Variants in AGPAT3 observed in about 807,000 individuals in gnomAD.
AGPAT3 encodes 1-acyl-sn-glycerol-3-phosphate acyltransferase gamma.
A neutral mutation model predicts 47.3 loss-of-function variants in AGPAT3; 5 were observed. The ratio of observed to expected loss-of-function variants is 0.11; its 90% confidence interval spans 0.06 to 0.22. The LOEUF is 0.22. Among genes scored for constraint, AGPAT3 ranks in the 10% least tolerant of loss-of-function variants. The pLI, the probability that AGPAT3 is intolerant of heterozygous loss-of-function variation, is 1.00. For synonymous variants in AGPAT3, 212 were observed against 208.3 expected, an observed-to-expected ratio of 1.02 and a Z score of -0.15; for missense variants, 315 against 493.0, an observed-to-expected ratio of 0.64 and a Z score of 3.42.
intron 3 of AGPAT3, among the ~76,000 whole-genome samples, chr21:43,961,176 G>A (rs895077439): frequency 6.6e-6 from 1 of 151,988 alleles, no homozygotes; most frequent in Non-Finnish European, 1.5e-5. Flanking sequence ...AATCTCAGAA[G>A]GATGCCCGAG....
At chr21:43,879,814 G>A (rs140764843) in intron 1 of AGPAT3, among the ~76,000 whole-genome samples, 261 of 152,304 alleles carry the variant, frequency 1.7e-3, no homozygotes, top group African/African-American at 5.8e-3. Flanking sequence ...TGAGCACCAC[G>A]TTGAAAAGCA....
intron 1 of AGPAT3, among the ~76,000 whole-genome samples, chr21:43,890,297 C>T (rs1181064629): frequency 2.0e-5 from 3 of 152,176 alleles, no homozygotes; most frequent in Non-Finnish European, 4.4e-5. Flanking sequence ...GCTTTGCCTC[C>T]GTCATGATGG....
At chr21:43,906,048 T>G (rs2086485629) in intron 2 of AGPAT3, among the ~76,000 whole-genome samples, 1 of 152,232 alleles carries the variant, frequency 6.6e-6, no homozygotes, top group Non-Finnish European at 1.5e-5. Context: ...GGAAATCGGT[T>G]TGATCTCCTT....
intron 2 of AGPAT3, chr21:43,916,557 T>G (rs77824458): frequency 2.6e-5 from 4 of 151,078 alleles, no homozygotes; most frequent in Admixed American, 2.0e-4. Flanking sequence ...TTTTTTTTTT[T>G]GCATTTTTCC....
intron 1 of AGPAT3, among the ~76,000 whole-genome samples, chr21:43,893,169 G>A (rs2086137570): frequency 6.6e-6 from 1 of 152,212 alleles, no homozygotes; most frequent in Admixed American, 6.5e-5. Flanking sequence ...CAGATGACTT[G>A]CTGCAGCTTC....
intron 3 of AGPAT3, among the ~76,000 whole-genome samples, chr21:43,960,327 T>G (rs1310368268): frequency 1.3e-5 from 2 of 152,216 alleles, no homozygotes; most frequent in African/African-American, 4.8e-5. Context: ...TATGTGCCTC[T>G]GTGCGTATGT....
rs975303424 is a variant in AGPAT3 at position 43,933,185 on chromosome 21, C to T, written c.-48-26449C>T. ...ATAATGCCGAACAGCTCTTCGTTAACCTGCTGGCTGTCGGTGTGGCTCCTT... is the reference window on the plus strand; with the variant it reads ...ATAATGCCGAACAGCTCTTCGTTAATCTGCTGGCTGTCGGTGTGGCTCCTT... On this transcript the variant is annotated intron_variant, in intron 2 of 9. Coordinates refer to ENST00000291572, the MANE Select transcript of AGPAT3 (RefSeq NM_020132.5). This position sits in a 1 kb window ranked among gnomAD's most constrained non-coding sequence, Gnocchi z 6.0. 6.6e-6 allele frequency among the ~76,000 whole-genome samples: 1 copy of T among 152,228 alleles called. No individual in the cohort carries two copies. The highest frequency in any genetic ancestry group is 2.4e-5 in the African/African-American group (1 of 41,456).
intron 1 of AGPAT3, among the ~76,000 whole-genome samples, chr21:43,886,189 G>A (rs1315554941): frequency 6.6e-6 from 1 of 152,080 alleles, no homozygotes; most frequent in Non-Finnish European, 1.5e-5. Context: ...TATCACCTCT[G>A]CTCCTCCTGG....
At chr21:43,953,320 C>G (rs1304994338) in intron 2 of AGPAT3, among the ~76,000 whole-genome samples, 3 of 152,108 alleles carry the variant, frequency 2.0e-5, no homozygotes, top group Admixed American at 2.0e-4. Flanking sequence ...ACGGGATGTT[C>G]GGCAGTATTC....
chr21:43,885,999 G>T (rs556414760), intron 1 of AGPAT3, among the ~76,000 whole-genome samples: 2 of 152,226 alleles, frequency 1.3e-5, no homozygotes, highest in African/African-American at 4.8e-5. Context: ...ACAGGCAGGG[G>T]TTTTTGCAAA....
At chr21:43,956,772 G>A (rs2088485513) in intron 2 of AGPAT3, among the ~76,000 whole-genome samples, 1 of 152,224 alleles carries the variant, frequency 6.6e-6, no homozygotes, top group Non-Finnish European at 1.5e-5. Flanking sequence ...CCCCTCAGGA[G>A]TAGGAGGTCA....
intron 5 of AGPAT3, among the ~76,000 whole-genome samples, chr21:43,969,879 A>G (rs889290019): frequency 2.0e-5 from 3 of 151,978 alleles, no homozygotes; most frequent in East Asian, 1.9e-4. Flanking sequence ...TTGTATTTTT[A>G]GTAGAGATGG....
At position 43,930,290 on chromosome 21, in the gene AGPAT3, C is replaced by A. The variant is rs1227287655; in HGVS notation, c.-49+26271C>A. On this transcript the variant is annotated intron_variant, in intron 2 of 9. Transcript: ENST00000291572. The surrounding 1 kb of genome is among the most constrained non-coding windows in gnomAD (Gnocchi z 5.0). Reference sequence around the variant, plus strand: ...GGGGGCTCTGGTGCCAATACCAATGCAGCCCGGTTCCCTGTCCTGGGCCTG... The same window carrying A: ...GGGGGCTCTGGTGCCAATACCAATGAAGCCCGGTTCCCTGTCCTGGGCCTG... 2.0e-5 allele frequency among the ~76,000 whole-genome samples: 3 copies of A among 152,148 alleles called. No homozygotes were observed. The highest frequency in any genetic ancestry group is 2.1e-4 in the South Asian group (1 of 4,820).
chr21:43,919,606 C>T (rs1192227510), intron 2 of AGPAT3, among the ~76,000 whole-genome samples: 1 of 152,186 alleles, frequency 6.6e-6, no homozygotes, highest in Admixed American at 6.5e-5. Context: ...TGCAAACATG[C>T]ATATGTCTTT....
chr21:43,909,743 G>A (rs1012640950), intron 2 of AGPAT3, among the ~76,000 whole-genome samples: 6 of 152,234 alleles, frequency 3.9e-5, no homozygotes, highest in Non-Finnish European at 5.9e-5. Context: ...CTGGCTCCCA[G>A]GCCTGCAGGC....
intron 2 of AGPAT3, among the ~76,000 whole-genome samples, chr21:43,945,666 G>A (rs1176343593): frequency 6.6e-6 from 1 of 152,108 alleles, no homozygotes; most frequent in African/African-American, 2.4e-5. Flanking sequence ...CTCTTGCACT[G>A]TCCAGGCCAA....
chr21:43,905,147 T>A (rs556585263), intron 2 of AGPAT3, among the ~76,000 whole-genome samples: 114 of 147,168 alleles, frequency 7.7e-4, no homozygotes, highest in Middle Eastern at 3.5e-3. Flanking sequence ...TCTCTTTTTT[T>A]AAAAAAAATA....
intron 1 of AGPAT3, among the ~76,000 whole-genome samples, chr21:43,876,451 C>T (rs2085735486): frequency 6.6e-6 from 1 of 152,146 alleles, no homozygotes; most frequent in African/African-American, 2.4e-5. Flanking sequence ...CAAAGCCTCC[C>T]TGGAGAAGCC....
intron 2 of AGPAT3, chr21:43,916,321 C>T (rs1013417285): frequency 6.6e-6 from 1 of 152,134 alleles, no homozygotes; most frequent in East Asian, 1.9e-4. Flanking sequence ...TGTTCTGTCT[C>T]GGGTTGGAAG....
Sources: gnomAD v4.1 joint callset for allele counts (sites outside exome capture counted in the v4.1 genomes callset) on GRCh38, gnomAD v4.1.1 for gene constraint, Gnocchi (gnomAD v3.1) non-coding constraint, MANE v1.5 for transcripts, NCBI Gene and HGNC (gene_info 2026-07-23, HGNC 2026-07-21) for gene names.